Variants in RXFP1 observed in about 807,000 individuals in gnomAD.
RXFP1 encodes relaxin receptor 1.
In RXFP1, 73 loss-of-function variants were observed where a neutral mutation model predicts 89.8. The observed-to-expected ratio is 0.81, with a 90% CI of 0.67 to 0.99. The LOEUF (loss-of-function observed/expected upper bound fraction) is 0.99, where lower values mean the gene tolerates loss of function less well. Ranked by LOEUF, RXFP1 falls within the 50% of genes least tolerant of loss-of-function variation. RXFP1 has a pLI of 0.00. For synonymous variants in RXFP1, 277 were observed against 305.5 expected (o/e 0.91, Z 0.97); for missense variants, 793 against 895.5 (o/e 0.89, Z 1.46).
intron 6 of RXFP1, 122 bp from the exon 7 acceptor site, chr4:158,612,008 G>A (rs1763671305): frequency 1.4e-6 from 1 of 707,502 alleles, no homozygotes; most frequent in Non-Finnish European, 2.4e-6. Flanking sequence ...TTCAAAGGCA[G>A]GGAAGTGGCA....
chr4:158,578,106 AT>A (rs1468608767), intron 2 of RXFP1, among the ~76,000 whole-genome samples: 2 of 152,248 alleles, frequency 1.3e-5, no homozygotes, highest in Non-Finnish European at 2.9e-5. Flanking sequence ...AGACATACAT[AT>A]ATCAAAAACT....
At chr4:158,627,295 TA>T (rs200963512) in intron 10 of RXFP1, among the ~76,000 whole-genome samples, 4 of 151,436 alleles carry the variant, frequency 2.6e-5, no homozygotes, top group African/African-American at 7.3e-5. Context: ...CTTCCTTCAG[TA>T]AAAAAAAATC....
At chr4:158,596,552 G>A (rs189229646) in intron 3 of RXFP1, among the ~76,000 whole-genome samples, 125 of 152,236 alleles carry the variant, frequency 8.2e-4, no homozygotes, top group African/African-American at 2.5e-3. Flanking sequence ...GAGCCACTGC[G>A]CCTGGTCTAT....
In RXFP1 at chr4:158,531,681, TTAAC is replaced by T. The variant is rs1744082281; in HGVS notation, c.49+9657_49+9660del. 3.9e-5 allele frequency among the ~76,000 whole-genome samples: 6 copies of T among 152,302 alleles called. No homozygotes were observed. The South Asian group carries it at 1.2e-3, about 32-fold the overall frequency. ...ACACACTTTAAATCTTATGCCATCA[TTAAC>T]ATTAAGCATACCAAATCCAGGTACG... On this transcript the variant is annotated intron_variant, in intron 1 of 17. Transcript: ENST00000307765.
chr4:158,568,032 G>A (rs186529512), intron 1 of RXFP1, among the ~76,000 whole-genome samples: 4 of 152,246 alleles, frequency 2.6e-5, no homozygotes, highest in Non-Finnish European at 5.9e-5. Context: ...AAGCCATCAA[G>A]ACCACGAACC....
At chr4:158,623,451 G>A (rs1274785788) in intron 9 of RXFP1, among the ~76,000 whole-genome samples, 4 of 128,078 alleles carry the variant, frequency 3.1e-5, no homozygotes, top group East Asian at 4.6e-4. Flanking sequence ...GCAGTGAGCC[G>A]AGATTGTGCC....
intron 2 of RXFP1, among the ~76,000 whole-genome samples, chr4:158,584,972 A>G (rs919763041): frequency 6.6e-6 from 1 of 152,248 alleles, no homozygotes; most frequent in Non-Finnish European, 1.5e-5. Context: ...TCGTTAAAAC[A>G]TAGATTGCTG....
chr4:158,595,101 T>C lies in RXFP1; in HGVS notation c.286+1602T>C, dbSNP rs537696150. 4.6e-5 allele frequency among the ~76,000 whole-genome samples: 7 copies of C among 152,334 alleles called. No homozygotes were observed. The South Asian group carries it at 1.5e-3, about 32-fold the overall frequency. Reference sequence around the variant, plus strand: ...AAAGAGTAAAATTTTACACTATGAGTTCTAGAAAATACATGTTTATACATA... The same window carrying C: ...AAAGAGTAAAATTTTACACTATGAGCTCTAGAAAATACATGTTTATACATA... On this transcript the variant is annotated intron_variant, in intron 3 of 17. Transcript: ENST00000307765.
chr4:158,566,395 C>T (rs1753555572), intron 1 of RXFP1, among the ~76,000 whole-genome samples: 1 of 152,054 alleles, frequency 6.6e-6, no homozygotes, highest in Non-Finnish European at 1.5e-5. Flanking sequence ...GAGAGTTTCG[C>T]TCTTGTTGCC....
intron 17 of RXFP1, among the ~76,000 whole-genome samples, chr4:158,651,543 T>A (rs569788933): frequency 3.9e-5 from 6 of 152,308 alleles, no homozygotes; most frequent in Admixed American, 2.6e-4. Flanking sequence ...TAGCAAAGAA[T>A]ACCATTCTTT....
intron 1 of RXFP1, among the ~76,000 whole-genome samples, chr4:158,528,828 T>C (rs1244036909): frequency 6.6e-6 from 1 of 152,234 alleles, no homozygotes; most frequent in Admixed American, 6.5e-5. Context: ...AAATCCTCTC[T>C]TTTTTCTGGG....
rs1460219072 is a variant in RXFP1, at chr4:158,614,586, GC to G, written c.680+2226del. The stretch of plus-strand genomic sequence containing the variant: ...TTCTGCAGCTCCTTCACCTCTCTCA[GC>G]CTTCATAGAATGAAGCAGAGTTAGG... On this transcript the variant is annotated intron_variant, in intron 8 of 17. Coordinates refer to ENST00000307765, the MANE Select transcript of RXFP1 (RefSeq NM_021634.4). Among the ~76,000 whole-genome samples the G allele has an allele frequency of 3.9e-5, 6 of 152,250 alleles. No individual in the cohort carries two copies. The East Asian group carries it at 1.2e-3, about 29-fold the overall frequency.
intron 1 of RXFP1, among the ~76,000 whole-genome samples, chr4:158,542,227 T>C (rs1222042717): frequency 2.0e-5 from 3 of 150,946 alleles, no homozygotes; most frequent in Non-Finnish European, 3.0e-5. Flanking sequence ...CATGAATCAC[T>C]GCGCCTGGCC....
intron 3 of RXFP1, chr4:158,599,098 T>C: frequency 1.9e-6 from 1 of 520,706 alleles, no homozygotes; most frequent in Non-Finnish European, 3.3e-6. Flanking sequence ...AAAAAATACA[T>C]GAGCTAGTGT....
intron 10 of RXFP1, among the ~76,000 whole-genome samples, chr4:158,627,504 GGT>G (rs35872724): frequency 0.19 from 26,466 of 143,044 alleles, 2,396 homozygotes; most frequent in Middle Eastern, 0.24. Flanking sequence ...TGAGCCTTAG[GGT>G]GTGTGTGTGT....
chr4:158,541,461 T>G (rs1746618066), intron 1 of RXFP1, among the ~76,000 whole-genome samples: 3 of 151,856 alleles, frequency 2.0e-5, no homozygotes, highest in African/African-American at 7.3e-5. Context: ...GAGTCATATA[T>G]TCTAAAAATA....
chr4:158,651,727 C>T (rs375790445), intron 17 of RXFP1, 30 bp from the exon 18 acceptor site: 1 of 1,542,722 alleles, frequency 6.5e-7, no homozygotes, highest in Non-Finnish European at 8.8e-7. Context: ...CATCTATAAA[C>T]ACTAAAACTA....
At chr4:158,646,544 C>T in intron 15 of RXFP1, 3 of 1,311,324 alleles carry the variant, frequency 2.3e-6, no homozygotes, top group South Asian at 3.4e-5. Flanking sequence ...TAGAGACTTG[C>T]ACTTTAAAGG....
At chr4:158,627,192 T>C (rs1767024372) in intron 10 of RXFP1, among the ~76,000 whole-genome samples, 1 of 152,304 alleles carries the variant, frequency 6.6e-6, no homozygotes, top group East Asian at 1.9e-4. Flanking sequence ...AAGATAAACC[T>C]TGAAGTGTTA....
Sources: gnomAD v4.1 joint callset for allele counts (sites outside exome capture counted in the v4.1 genomes callset) on GRCh38, gnomAD v4.1.1 for gene constraint, MANE v1.5 for transcripts, NCBI Gene and HGNC (gene_info 2026-07-23, HGNC 2026-07-21) for gene names.